The following PRDM6 variants were observed in gnomAD, a reference collection of about 807,000 sequenced individuals.
The protein encoded by PRDM6 is PR/SET domain 6.
PRDM6 carries 25 observed loss-of-function variants against 60.8 expected under a neutral mutation model. The observed-to-expected ratio is 0.41, with a 90% confidence interval of 0.30 to 0.57. The LOEUF is 0.57. Among genes scored for constraint, PRDM6 ranks in the 20% least tolerant of loss-of-function variants. The pLI is 0.27. For synonymous variants in PRDM6, 407 were observed against 357.4 expected (o/e 1.14, Z -1.57); for missense variants, 839 against 821.3 (o/e 1.02, Z -0.26).
At chr5:123,131,291 G>T (rs1422152735) in intron 3 of PRDM6, among the ~76,000 whole-genome samples, 1 of 152,238 alleles carries the variant, frequency 6.6e-6, no homozygotes, top group East Asian at 1.9e-4. Context: ...TAGTTAATGA[G>T]AATTTATTGT....
At chr5:123,132,521 A>G (rs1764855659) in intron 3 of PRDM6, among the ~76,000 whole-genome samples, 2 of 152,130 alleles carry the variant, frequency 1.3e-5, no homozygotes, top group Admixed American at 6.6e-5. Flanking sequence ...AAGAGCAGGT[A>G]TATCATCCCC....
chr5:123,095,747 C>T (rs1561798242), intron 2 of PRDM6, among the ~76,000 whole-genome samples: 1 of 152,196 alleles, frequency 6.6e-6, no homozygotes, highest in Non-Finnish European at 1.5e-5. Flanking sequence ...ACGAAGGCGT[C>T]GGGCAGGTAC....
chr5:123,137,191 T>G (rs1764978884), intron 3 of PRDM6, among the ~76,000 whole-genome samples: 2 of 152,150 alleles, frequency 1.3e-5, no homozygotes, highest in Admixed American at 1.3e-4. Flanking sequence ...GTGTGGACAG[T>G]GGGATGTGGA....
At chr5:123,098,250 A>G (rs139003103) in intron 2 of PRDM6, among the ~76,000 whole-genome samples, 1,639 of 152,334 alleles carry the variant, frequency 0.011, 31 homozygotes, top group African/African-American at 0.037. Context: ...GCTCTGGCGC[A>G]TCCATCAGTG....
intron 6 of PRDM6, among the ~76,000 whole-genome samples, chr5:123,176,350 C>A (rs1386149823): frequency 6.6e-6 from 1 of 150,684 alleles, no homozygotes; most frequent in African/African-American, 2.4e-5. Flanking sequence ...TACTGTTTGC[C>A]TTTGCTTTGA....
In PRDM6 at chr5:123,141,721, T is replaced by C. The variant is rs989287825; in HGVS notation, c.901-14163T>C. ...AGCTATGCCTAGTTTTTCAGAAATA[T>C]TGAAGTAGAAGGAAATTTGTTTTGG... On this transcript the variant is annotated intron_variant, in intron 3 of 7. Transcript: ENST00000407847. Among the ~76,000 whole-genome samples, 4 of 152,240 alleles carry C rather than the reference T, an allele frequency of 2.6e-5. No individual in the cohort carries two copies. The East Asian group carries it at 7.7e-4, about 29-fold the overall frequency.
intron 3 of PRDM6, among the ~76,000 whole-genome samples, chr5:123,131,206 G>A (rs1016816655): frequency 2.0e-5 from 3 of 152,166 alleles, no homozygotes; most frequent in Non-Finnish European, 2.9e-5. Context: ...GAGATAAGGA[G>A]GGTTTGGTAA....
At chr5:123,131,626 C>G (rs1764837036) in intron 3 of PRDM6, among the ~76,000 whole-genome samples, 1 of 152,276 alleles carries the variant, frequency 6.6e-6, no homozygotes, top group Non-Finnish European at 1.5e-5. Context: ...GAAACTGAAG[C>G]CTCGAGTGGC....
intron 3 of PRDM6, among the ~76,000 whole-genome samples, chr5:123,109,617 G>A (rs918825829): frequency 6.6e-6 from 1 of 152,068 alleles, no homozygotes; most frequent in Non-Finnish European, 1.5e-5. Context: ...ATGTACTAAA[G>A]GGATACCATG....
chr5:123,100,994 A>G (rs1347881890), intron 3 of PRDM6, among the ~76,000 whole-genome samples: 1 of 152,174 alleles, frequency 6.6e-6, no homozygotes, highest in Non-Finnish European at 1.5e-5. Flanking sequence ...AGTTTCTTAA[A>G]TGCCAGGGGT....
chr5:123,128,546 G>T (rs1042446320), intron 3 of PRDM6, among the ~76,000 whole-genome samples: 17 of 152,062 alleles, frequency 1.1e-4, no homozygotes, highest in African/African-American at 2.9e-4. Context: ...TTCATGTGTC[G>T]TTTGGCTGCA....
intron 3 of PRDM6, among the ~76,000 whole-genome samples, chr5:123,125,029 A>G (rs956415222): frequency 6.7e-6 from 1 of 149,634 alleles, no homozygotes; most frequent in African/African-American, 2.5e-5. Flanking sequence ...TTTCATCATT[A>G]CCCTGGAGAC....
intron 5 of PRDM6, among the ~76,000 whole-genome samples, chr5:123,161,638 G>A (rs1187973277): frequency 6.6e-6 from 1 of 152,178 alleles, no homozygotes; most frequent in Non-Finnish European, 1.5e-5. Flanking sequence ...TGTTGGAAGA[G>A]CATCACAGAG....
intron 5 of PRDM6, among the ~76,000 whole-genome samples, chr5:123,169,723 T>A (rs1765841205): frequency 6.6e-6 from 1 of 152,212 alleles, no homozygotes; most frequent in African/African-American, 2.4e-5. Flanking sequence ...TAGTAAATAG[T>A]GGAGTTAAAA....
chr5:123,163,944 T>C (rs1765690329), intron 5 of PRDM6, among the ~76,000 whole-genome samples: 1 of 151,990 alleles, frequency 6.6e-6, no homozygotes, highest in Non-Finnish European at 1.5e-5. Context: ...AAATAAAAAG[T>C]GGGACCTCTT....
chr5:123,109,106 A>G, intron 3 of PRDM6, among the ~76,000 whole-genome samples: 1 of 152,164 alleles, frequency 6.6e-6, no homozygotes, highest in East Asian at 1.9e-4. Flanking sequence ...ATAAAAACAA[A>G]GCGTTTCTGG....
chr5:123,175,671 T>G (rs753901992), intron 6 of PRDM6, among the ~76,000 whole-genome samples: 6 of 152,210 alleles, frequency 3.9e-5, no homozygotes, highest in Non-Finnish European at 7.3e-5. Context: ...TTGAGAGATT[T>G]GCACTTGGGC....
intron 3 of PRDM6, among the ~76,000 whole-genome samples, chr5:123,146,596 G>C (rs1765243735): frequency 6.6e-6 from 1 of 151,960 alleles, no homozygotes; most frequent in African/African-American, 2.4e-5. Flanking sequence ...CTCATATGTA[G>C]CATGTTGTTG....
At chr5:123,143,172 TGTGTGTATGTGG>T (rs1765157964) in intron 3 of PRDM6, among the ~76,000 whole-genome samples, 1 of 151,990 alleles carries the variant, frequency 6.6e-6, no homozygotes, top group African/African-American at 2.4e-5. Flanking sequence ...TGTGTGTGTG[TGTGTGTATGTGG>T]GTGTGTGTAT....
Sources: allele counts gnomAD v4.1 joint callset (sites outside exome capture counted in the v4.1 genomes callset), GRCh38; gene constraint gnomAD v4.1.1; transcripts MANE v1.5; gene names NCBI Gene and HGNC (gene_info 2026-07-23, HGNC 2026-07-21).